The following GRB10 variants were observed in gnomAD, a reference collection of about 807,000 sequenced individuals.
GRB10 encodes growth factor receptor bound protein 10.
In GRB10, 20 loss-of-function variants were observed where a neutral mutation model predicts 80.9. The observed-to-expected ratio is 0.25, with a 90% CI of 0.17 to 0.36. GRB10 has a LOEUF of 0.36. Ranked by LOEUF, GRB10 falls within the 10% of genes least tolerant of loss-of-function variation. GRB10 has a pLI of 1.00. For synonymous variants in GRB10, 291 were observed against 291.5 expected (o/e 1.00, Z 0.02); for missense variants, 548 against 747.7 (o/e 0.73, Z 3.12).
At chr7:50,683,528 G>C (rs1209589752) in intron 5 of GRB10, among the ~76,000 whole-genome samples, 1 of 152,184 alleles carries the variant, frequency 6.6e-6, no homozygotes, top group African/African-American at 2.4e-5. Flanking sequence ...CCTGAGGTCA[G>C]GAGTTCGAGA....
At chr7:50,727,664 T>C (rs897168166) in intron 4 of GRB10, 2 of 152,330 alleles carry the variant, frequency 1.3e-5, no homozygotes, top group Non-Finnish European at 2.9e-5. Flanking sequence ...AAGTGAATAT[T>C]CACATGATTT....
chr7:50,684,522 G>GC (rs1208470666), intron 5 of GRB10, among the ~76,000 whole-genome samples: 1 of 152,042 alleles, frequency 6.6e-6, no homozygotes, highest in Non-Finnish European at 1.5e-5. Context: ...AAGCACCTGG[G>GC]CATTACTAAG....
intron 5 of GRB10, among the ~76,000 whole-genome samples, chr7:50,676,594 TC>T (rs2060980780): frequency 6.6e-6 from 1 of 152,146 alleles, no homozygotes; most frequent in Non-Finnish European, 1.5e-5. Flanking sequence ...AGGTGTGTGC[TC>T]CTCACAGAAG....
intron 2 of GRB10, chr7:50,761,564 C>T: frequency 6.6e-6 from 1 of 152,340 alleles, no homozygotes; most frequent in South Asian, 2.1e-4. Flanking sequence ...ATGACATCCC[C>T]ATTAACATTA....
chr7:50,780,116 A>G (rs986388691), intron 2 of GRB10, among the ~76,000 whole-genome samples: 1 of 152,198 alleles, frequency 6.6e-6, no homozygotes, highest in African/African-American at 2.4e-5. Flanking sequence ...CCCATTCCAC[A>G]TGAAAACAGA....
intron 13 of GRB10, among the ~76,000 whole-genome samples, chr7:50,609,790 C>G (rs2049182309): frequency 6.6e-6 from 1 of 151,980 alleles, no homozygotes; most frequent in South Asian, 2.1e-4. Context: ...CTACAGCTTC[C>G]AAGAAATTAC....
At position 50,651,649 on chromosome 7, in the gene GRB10, A is replaced by G. The variant is rs2058019910; in HGVS notation, c.504+18073T>C. ...CATAACAGTGTGCAATAAGGCCCTA[A>G]TTCAGCTGCTCATCCAAATAGTTTA... On this transcript the variant is annotated intron_variant, in intron 7 of 18. Transcript: ENST00000401949. Among the ~76,000 whole-genome samples, 3 of 152,214 alleles carry G rather than the reference A, an allele frequency of 2.0e-5. No homozygotes were observed. In the South Asian group the frequency reaches 6.2e-4, roughly 31 times the overall value.
chr7:50,595,503 A>G lies in GRB10; in HGVS notation c.1572T>C (p.Ser524=), dbSNP rs762458127. The stretch of plus-strand genomic sequence containing the variant: ...GTGTGAGTACAAATGCCTTTGGATT[A>G]CTCTGGCTGTCACGGAGGAGAAAAA... ...DGLFLLRDSQ[S]NPKAFVLTLC... The change falls in exon 18 of 19, where the codon AGT becomes AGC. Residue 524 remains serine (S), a synonymous_variant. Transcript: ENST00000401949. 3 of 1,610,154 alleles carry G rather than the reference A, an allele frequency of 1.9e-6. No individual in the cohort carries two copies. The East Asian group carries it at 6.7e-5, about 36-fold the overall frequency.
intron 1 of GRB10, among the ~76,000 whole-genome samples, chr7:50,790,571 C>G (rs889529650): frequency 1.3e-5 from 2 of 152,256 alleles, no homozygotes; most frequent in African/African-American, 4.8e-5. Flanking sequence ...ACAGGCTTCC[C>G]CTCCAGGGAG....
At chr7:50,673,935 C>T (rs1377787452) in intron 6 of GRB10, among the ~76,000 whole-genome samples, 3 of 152,198 alleles carry the variant, frequency 2.0e-5, no homozygotes, top group African/African-American at 7.2e-5. Context: ...CCAGCACGTT[C>T]CTCCCTCCAG....
chr7:50,622,575 C>T (rs2051996061), intron 8 of GRB10, among the ~76,000 whole-genome samples: 1 of 151,882 alleles, frequency 6.6e-6, no homozygotes, highest in Admixed American at 6.5e-5. Context: ...TTACTGTGTT[C>T]TCTGTGTAAG....
intron 6 of GRB10, among the ~76,000 whole-genome samples, chr7:50,673,873 C>G (rs898629363): frequency 3.3e-5 from 5 of 152,186 alleles, no homozygotes; most frequent in Non-Finnish European, 7.3e-5. Flanking sequence ...CTCCTATCAC[C>G]CTTTGACATC....
chr7:50,752,493 A>T (rs1249948724), intron 3 of GRB10, among the ~76,000 whole-genome samples: 2 of 152,238 alleles, frequency 1.3e-5, no homozygotes, highest in Admixed American at 6.5e-5. Flanking sequence ...TTTTTAGTTC[A>T]AACTGTCCTA....
rs916043293 is a variant in GRB10 at position 50,734,989 on chromosome 7, C to A, written c.-46-2621G>T. Among the ~76,000 whole-genome samples, 9 of 152,058 alleles carry A rather than the reference C, an allele frequency of 5.9e-5. 1 individual carries two copies. The South Asian group carries it at 8.3e-4, about 14-fold the overall frequency. ...GACAAGAAAAAGAAATAAAAGGGAT[C>A]CAAATTGGAAAGGAGGAACTAAAAT... On this transcript the variant is annotated intron_variant, in intron 3 of 18. Transcript: ENST00000401949.
At chr7:50,629,612 T>C (rs1053992809) in intron 7 of GRB10, among the ~76,000 whole-genome samples, 6 of 152,140 alleles carry the variant, frequency 3.9e-5, no homozygotes, top group Non-Finnish European at 8.8e-5. Flanking sequence ...GAAAGCCCTG[T>C]GTATACCAGC....
chr7:50,671,895 G>C (rs986337293), intron 6 of GRB10, among the ~76,000 whole-genome samples: 5 of 152,222 alleles, frequency 3.3e-5, no homozygotes, highest in Non-Finnish European at 7.3e-5. Context: ...CCCCACCAAA[G>C]AGGCTCACAA....
intron 7 of GRB10, among the ~76,000 whole-genome samples, chr7:50,665,451 G>T (rs891626396): frequency 6.6e-6 from 1 of 152,226 alleles, no homozygotes; most frequent in African/African-American, 2.4e-5. Context: ...ACCAGTGAGG[G>T]CCCATGAGCC....
intron 10 of GRB10, among the ~76,000 whole-genome samples, chr7:50,616,651 C>T (rs1015962352): frequency 2.0e-5 from 3 of 152,172 alleles, no homozygotes; most frequent in Non-Finnish European, 4.4e-5. Flanking sequence ...AGGGCAAGAG[C>T]AAGTGCCATG....
rs1205582217 is a variant in GRB10 at position 50,710,999 on chromosome 7, C to T, written c.52-7091G>A. The T allele has an allele frequency of 1.0e-4, 114 of 1,090,792 alleles. 2 individuals are homozygous for T. Among genetic ancestry groups the T allele is most frequent in the South Asian group, 1.0e-3 (84 of 80,620 alleles). 67.6% of individuals were successfully genotyped at this position (1,090,792 alleles called of 1,614,324 possible). ...CACAATATTTTCAGAACCTGGAGAA[C>T]GGCACAGAAGGCACACTTAATAACT... On this transcript the variant is annotated intron_variant, in intron 4 of 18. Coordinates refer to ENST00000401949, the MANE Select transcript of GRB10 (RefSeq NM_001350814.2).
Sources: allele counts gnomAD v4.1 joint callset (sites outside exome capture counted in the v4.1 genomes callset), GRCh38; gene constraint gnomAD v4.1.1; transcripts MANE v1.5; gene names NCBI Gene and HGNC (gene_info 2026-07-23, HGNC 2026-07-21).